Variants in KIF13A observed in about 807,000 individuals in gnomAD.
KIF13A encodes the protein kinesin-like protein KIF13A.
In KIF13A, 79 loss-of-function variants were observed where a neutral mutation model predicts 212.2. That is an observed-to-expected ratio of 0.37 (90% CI 0.31 to 0.45). The LOEUF (loss-of-function observed/expected upper bound fraction) is 0.45, where lower values mean the gene tolerates loss of function less well. Ranked by LOEUF, KIF13A falls within the 20% of genes least tolerant of loss-of-function variation. The pLI, the probability that KIF13A is intolerant of heterozygous loss-of-function variation, is 1.00. For synonymous variants in KIF13A, 789 were observed against 808.6 expected (o/e 0.98, Z 0.41); for missense variants, 1,901 against 2,209.0 (o/e 0.86, Z 2.79).
chr6:17,965,098 G>C (rs1304226387), intron 2 of KIF13A, among the ~76,000 whole-genome samples: 2 of 152,160 alleles, frequency 1.3e-5, no homozygotes, highest in Admixed American at 6.5e-5. Context: ...CCATAGCGCT[G>C]AGATTAAGGC....
intron 16 of KIF13A, chr6:17,821,979 G>C: frequency 2.0e-6 from 3 of 1,483,452 alleles, no homozygotes; most frequent in Non-Finnish European, 2.7e-6. Context: ...GAGACTGTGT[G>C]TATGCCCCAA....
Position 17,799,422 on chromosome 6 carries a change from T to G in KIF13A, c.2634A>C (p.Ala878=), listed in dbSNP as rs1325177973. The stretch of plus-strand genomic sequence containing the variant: ...TTGAGAGGTTTAAGGGCAGCCCCGT[T>G]GCTTCTTTAATTTTTACCTGAAGAG... ...KLTCRVKIKE[A]TGLPLNLSNF... The change falls in exon 22 of 39, where the codon GCA becomes GCC. Residue 878 remains alanine (A), a synonymous_variant. Transcript: ENST00000259711. The surrounding 1 kb of genome is among the most constrained non-coding windows in gnomAD (Gnocchi z 4.4). 1.3e-6 allele frequency: 2 copies of G among 1,565,158 alleles called. No homozygotes were observed.
At chr6:17,796,054 T>C (rs1762003903) in intron 23 of KIF13A, among the ~76,000 whole-genome samples, 2 of 152,190 alleles carry the variant, frequency 1.3e-5, no homozygotes, top group Admixed American at 1.3e-4. Context: ...TCATTCCCCA[T>C]TGAATTTCTT....
At chr6:17,964,140 C>T (rs1039161382) in intron 2 of KIF13A, among the ~76,000 whole-genome samples, 3 of 152,096 alleles carry the variant, frequency 2.0e-5, no homozygotes, top group African/African-American at 7.2e-5. Flanking sequence ...CCCACACACA[C>T]CCACACCTCT....
rs145638040 is a variant in KIF13A at position 17,808,554 on chromosome 6, A to C, written c.2163+214T>G. Reference sequence around the variant, plus strand: ...AAATTAGGAAGTCCTTCAGCCACTAAAATTTTGTGTATTCTGCTTATTACA... The same window carrying C: ...AAATTAGGAAGTCCTTCAGCCACTACAATTTTGTGTATTCTGCTTATTACA... On this transcript the variant is annotated intron_variant, in intron 18 of 38. Transcript: ENST00000259711. 6.6e-5 allele frequency among the ~76,000 whole-genome samples: 10 copies of C among 152,292 alleles called. No homozygotes were observed. The East Asian group carries it at 1.9e-3, about 29-fold the overall frequency.
chr6:17,847,654 T>C (rs977926407), intron 9 of KIF13A, among the ~76,000 whole-genome samples: 1 of 152,210 alleles, frequency 6.6e-6, no homozygotes, highest in African/African-American at 2.4e-5. Flanking sequence ...ACTAAACTAC[T>C]TTCTGTTGAA....
Position 17,826,479 on chromosome 6 carries a change from C to T in KIF13A, c.1533-355G>A, listed in dbSNP as rs1363510551. On this transcript the variant is annotated intron_variant, in intron 14 of 38. Coordinates refer to ENST00000259711, the MANE Select transcript of KIF13A (RefSeq NM_022113.6). The surrounding 1 kb of genome is among the most constrained non-coding windows in gnomAD (Gnocchi z 4.7). ...AACAATGGAGGATGTGAAATGATGC[C>T]ATGGGATGCAGTGAGCAAAATCCTG... 1.3e-5 allele frequency among the ~76,000 whole-genome samples: 2 copies of T among 152,056 alleles called. No individual in the cohort carries two copies. The highest frequency in any genetic ancestry group is 2.9e-5 in the Non-Finnish European group (2 of 68,006).
chr6:17,828,764 A>G lies in KIF13A; in HGVS notation c.1402-394T>C, dbSNP rs1386395879. ...TTCACCTATTTAGATTTCTTTTAGG[A>G]TCATCTGAGTTAACAGTGAAAGTGT... is the stretch of plus-strand genomic sequence containing the variant. On this transcript the variant is annotated intron_variant, in intron 13 of 38. Coordinates refer to ENST00000259711, the MANE Select transcript of KIF13A (RefSeq NM_022113.6). This position sits in a 1 kb window ranked among gnomAD's most constrained non-coding sequence, Gnocchi z 4.3. 6.6e-6 allele frequency among the ~76,000 whole-genome samples: 1 copy of G among 152,188 alleles called. No individual in the cohort carries two copies. The highest frequency in any genetic ancestry group is 1.5e-5 in the Non-Finnish European group (1 of 68,038).
chr6:17,959,954 G>A (rs369014990), intron 2 of KIF13A, among the ~76,000 whole-genome samples: 20 of 151,898 alleles, frequency 1.3e-4, no homozygotes, highest in African/African-American at 4.3e-4. Context: ...CCCGGGAGGC[G>A]GAGGTTGTGG....
rs942809656 is a variant in KIF13A at position 17,814,532 on chromosome 6, C to A, written c.2000+2488G>T. ...AAAGTGCTGGGATTACAGGCGTGAG[C>A]CACCGCGCCCAGCCAGGTGTTGCTT... On this transcript the variant is annotated intron_variant, in intron 17 of 38. Transcript: ENST00000259711. Among the ~76,000 whole-genome samples, 8 of 151,368 alleles carry A rather than the reference C, an allele frequency of 5.3e-5. No homozygotes were observed. In the East Asian group the frequency reaches 1.6e-3, roughly 30 times the overall value.
At chr6:17,797,132 C>T (rs1762107092) in intron 22 of KIF13A, among the ~76,000 whole-genome samples, 1 of 151,834 alleles carries the variant, frequency 6.6e-6, no homozygotes. Flanking sequence ...CAGGTTCACG[C>T]CATTCTCCTG....
At chr6:17,820,517 C>T (rs1057395878) in intron 16 of KIF13A, among the ~76,000 whole-genome samples, 2 of 152,182 alleles carry the variant, frequency 1.3e-5, no homozygotes, top group African/African-American at 2.4e-5. Flanking sequence ...ATCAGCAAGT[C>T]GATCTGACTC....
At chr6:17,797,187 G>A (rs1198957737) in intron 22 of KIF13A, among the ~76,000 whole-genome samples, 1 of 151,912 alleles carries the variant, frequency 6.6e-6, no homozygotes, top group Non-Finnish European at 1.5e-5. Context: ...TCGCCACCAC[G>A]CCCGGCTATT....
chr6:17,764,580 T>C lies in KIF13A; in HGVS notation c.4948A>G (p.Lys1650Glu), dbSNP rs771105332. ...LVHDFRPSSN[K>E]ELTEVEKGLV... ...CCTTTTTCGACTTCTGTCAACTCTT[T>C]GTTTGAGGACGGCCTGAAATCATGC... Residue 1650 changes from lysine (K) to glutamate (E), a missense_variant, in exon 39 of 39, where the codon AAA (lysine) becomes GAA (glutamate). Physicochemically the swap from Lys to Glu is moderately conservative, Grantham distance 56. Around this residue, in one of 5 missense-constraint regions of KIF13A, gnomAD observed 687 missense variants for 759.1 expected, o/e 0.90. Transcript: ENST00000259711. The surrounding 1 kb of genome is among the most constrained non-coding windows in gnomAD (Gnocchi z 5.1). The C allele has an allele frequency of 7.4e-6, 12 of 1,613,952 alleles. No individual in the cohort carries two copies. The Admixed American group carries it at 2.0e-4, about 27-fold the overall frequency.
intron 2 of KIF13A, among the ~76,000 whole-genome samples, chr6:17,905,201 C>A (rs1424527298): frequency 6.6e-6 from 1 of 152,170 alleles, no homozygotes; most frequent in Non-Finnish European, 1.5e-5. Context: ...CAAGACAATT[C>A]TTCTTCTTCC....
At chr6:17,911,768 A>T (rs906057483) in intron 2 of KIF13A, among the ~76,000 whole-genome samples, 6 of 143,358 alleles carry the variant, frequency 4.2e-5, no homozygotes, top group Admixed American at 7.0e-5. Context: ...GTCAATAATA[A>T]TTTTTTTTTT....
intron 17 of KIF13A, among the ~76,000 whole-genome samples, chr6:17,814,948 C>T (rs765870373): frequency 3.3e-5 from 5 of 152,150 alleles, no homozygotes; most frequent in Admixed American, 6.5e-5. Context: ...CAGCTGGGCC[C>T]GGGGGACCAC....
intron 35 of KIF13A, among the ~76,000 whole-genome samples, chr6:17,774,786 AAAG>A (rs1433375625): frequency 6.6e-6 from 1 of 152,092 alleles, no homozygotes; most frequent in Non-Finnish European, 1.5e-5. Context: ...AAAAAAAAAA[AAAG>A]AAGTGCAAAG....
At chr6:17,845,206 G>C (rs2150391385) in intron 9 of KIF13A, among the ~76,000 whole-genome samples, 1 of 152,240 alleles carries the variant, frequency 6.6e-6, no homozygotes, top group South Asian at 2.1e-4. Context: ...CAGCATGAGG[G>C]AAACCGCTCC....
Sources: allele counts gnomAD v4.1 joint callset (sites outside exome capture counted in the v4.1 genomes callset), GRCh38; gene constraint gnomAD v4.1.1; regional missense constraint gnomAD v4.1.1; non-coding constraint Gnocchi (gnomAD v3.1); transcripts MANE v1.5; gene names NCBI Gene and HGNC (gene_info 2026-07-23, HGNC 2026-07-21).